Variants in STPG2 observed in about 807,000 individuals in gnomAD.
STPG2 encodes sperm-tail PG-rich repeat-containing protein 2.
Under a neutral mutation model 54.2 loss-of-function variants are expected in STPG2, and 56 were observed. The observed-to-expected ratio is 1.03, with a 90% CI of 0.83 to 1.29. The LOEUF (loss-of-function observed/expected upper bound fraction) is 1.29. STPG2 is among the 50% of genes most tolerant of loss of function. The probability of loss-of-function intolerance (pLI) is 0.00; values close to 1 mark genes in which losing one functional copy is unlikely to be tolerated. For missense variants in STPG2, 596 were observed against 544.9 expected (o/e 1.09, Z -0.93); for synonymous variants, 200 against 181.8 (o/e 1.10, Z -0.81).
chr4:97,861,498 T>C (rs922670155), intron 8 of STPG2, among the ~76,000 whole-genome samples: 5 of 152,132 alleles, frequency 3.3e-5, no homozygotes, highest in Admixed American at 2.6e-4. Flanking sequence ...GCTAGGTGTA[T>C]ACCCATGTAA....
intron 8 of STPG2, among the ~76,000 whole-genome samples, chr4:97,912,915 A>T (rs992294040): frequency 6.6e-6 from 1 of 152,242 alleles, no homozygotes; most frequent in Non-Finnish European, 1.5e-5. Flanking sequence ...ATCTAATTGT[A>T]CTAATGACCC....
chr4:97,512,304 T>C (rs1730989923), intron 4 of STPG2, among the ~76,000 whole-genome samples: 1 of 152,084 alleles, frequency 6.6e-6, no homozygotes, highest in Non-Finnish European at 1.5e-5. Flanking sequence ...ATGATTGGCA[T>C]CAATAACTAA....
intron 5 of STPG2, among the ~76,000 whole-genome samples, chr4:98,102,014 C>T (rs1739053292): frequency 6.6e-6 from 1 of 152,154 alleles, no homozygotes; most frequent in African/African-American, 2.4e-5. Context: ...TCTACTCTTG[C>T]CCTCATATTG....
At chr4:98,078,834 T>G (rs1738252388) in intron 5 of STPG2, among the ~76,000 whole-genome samples, 1 of 152,192 alleles carries the variant, frequency 6.6e-6, no homozygotes, top group Non-Finnish European at 1.5e-5. Context: ...TATATACATA[T>G]GTCTTTAAGA....
intron 9 of STPG2, among the ~76,000 whole-genome samples, chr4:97,797,681 A>T (rs1326545370): frequency 6.6e-6 from 1 of 152,176 alleles, no homozygotes; most frequent in East Asian, 1.9e-4. Context: ...AGGCTTTGGT[A>T]TCAGGATGTT....
chr4:97,541,300 A>G (rs1017113909), intron 4 of STPG2, among the ~76,000 whole-genome samples: 1 of 152,132 alleles, frequency 6.6e-6, no homozygotes, highest in Non-Finnish European at 1.5e-5. Flanking sequence ...ATGTGCAAAA[A>G]TCACAAGCAT....
At chr4:97,813,675 C>CT (rs1560538455) in intron 9 of STPG2, among the ~76,000 whole-genome samples, 1 of 36,546 alleles carries the variant, frequency 2.7e-5, no homozygotes, top group African/African-American at 1.1e-4. Context: ...GACCCTGTCT[C>CT]TTAAAAAAAA....
At chr4:98,041,447 G>A (rs1736953974) in intron 5 of STPG2, among the ~76,000 whole-genome samples, 2 of 151,824 alleles carry the variant, frequency 1.3e-5, no homozygotes, top group Admixed American at 6.6e-5. Context: ...TCTCCATTCT[G>A]TATGATGTTG....
chr4:97,940,663 CT>C (rs1404616884), intron 8 of STPG2, among the ~76,000 whole-genome samples: 1 of 152,200 alleles, frequency 6.6e-6, no homozygotes, highest in East Asian at 1.9e-4. Context: ...CTGTTAGGTT[CT>C]TTTTTATACC....
intron 10 of STPG2, among the ~76,000 whole-genome samples, chr4:97,612,179 T>C (rs1733746575): frequency 1.3e-5 from 2 of 151,386 alleles, no homozygotes; most frequent in Admixed American, 1.3e-4. Flanking sequence ...AAGAATGGCA[T>C]CATTATTTAT....
At chr4:98,106,578 G>C (rs1310690720) in intron 4 of STPG2, among the ~76,000 whole-genome samples, 1 of 152,106 alleles carries the variant, frequency 6.6e-6, no homozygotes, top group Non-Finnish European at 1.5e-5. Flanking sequence ...CCCAGCTTTG[G>C]AGTTAGACAG....
At chr4:97,710,967 C>G (rs915013587) in intron 10 of STPG2, among the ~76,000 whole-genome samples, 1 of 151,578 alleles carries the variant, frequency 6.6e-6, no homozygotes, top group Non-Finnish European at 1.5e-5. Context: ...AATGTTTTCT[C>G]TGACATGGGA....
chr4:97,510,202 T>C (rs990895381), intron 4 of STPG2, among the ~76,000 whole-genome samples: 3 of 152,114 alleles, frequency 2.0e-5, no homozygotes, highest in African/African-American at 4.8e-5. Context: ...TTTGATATGA[T>C]ATGAAGAAGG....
chr4:97,611,029 G>GA (rs1169127372), intron 10 of STPG2, among the ~76,000 whole-genome samples: 3 of 151,818 alleles, frequency 2.0e-5, no homozygotes, highest in East Asian at 1.9e-4. Context: ...TATTTTCTGG[G>GA]AAAAAATCAA....
intron 4 of STPG2, among the ~76,000 whole-genome samples, chr4:97,486,753 C>G (rs1445448008): frequency 6.6e-6 from 1 of 150,718 alleles, no homozygotes; most frequent in East Asian, 2.0e-4. Context: ...ATTGCAAAAT[C>G]ATGGAACCAA....
At chr4:97,513,957 T>C (rs1326326541) in intron 4 of STPG2, among the ~76,000 whole-genome samples, 1 of 151,972 alleles carries the variant, frequency 6.6e-6, no homozygotes, top group Non-Finnish European at 1.5e-5. Context: ...AAAAACAAAA[T>C]AAAACAAACA....
chr4:97,941,792 G>A (rs933943500), intron 8 of STPG2, among the ~76,000 whole-genome samples: 2 of 151,704 alleles, frequency 1.3e-5, no homozygotes, highest in Non-Finnish European at 2.9e-5. Context: ...TCAATAATTT[G>A]GATTTTTCAT....
At chr4:98,036,554 G>C (rs1337137389) in intron 5 of STPG2, among the ~76,000 whole-genome samples, 1 of 151,936 alleles carries the variant, frequency 6.6e-6, no homozygotes, top group Non-Finnish European at 1.5e-5. Context: ...ACTAACACAA[G>C]AACAGAAAAC....
chr4:98,078,769 T>C (rs1738250713), intron 5 of STPG2, among the ~76,000 whole-genome samples: 1 of 152,186 alleles, frequency 6.6e-6, no homozygotes, highest in South Asian at 2.1e-4. Flanking sequence ...TAAAATTGCA[T>C]ATTTTAAGAC....
Sources: allele counts gnomAD v4.1 joint callset (sites outside exome capture counted in the v4.1 genomes callset), GRCh38; gene constraint gnomAD v4.1.1; transcripts MANE v1.5; gene names NCBI Gene and HGNC (gene_info 2026-07-23, HGNC 2026-07-21).